TMC1: variants seen among roughly 807,000 people sequenced by gnomAD.
TMC1 encodes transmembrane channel-like protein 1.
A neutral mutation model predicts 105.8 loss-of-function variants in TMC1; 84 were observed. The observed-to-expected ratio is 0.79, with a 90% confidence interval of 0.67 to 0.95. The LOEUF (loss-of-function observed/expected upper bound fraction) is 0.95. Among genes scored for constraint, TMC1 ranks in the 40% least tolerant of loss-of-function variants. The pLI, the probability that TMC1 is intolerant of heterozygous loss-of-function variation, is 0.00. For missense variants in TMC1, 817 were observed against 914.1 expected (o/e 0.89, Z 1.37); for synonymous variants, 315 against 311.5 (o/e 1.01, Z -0.12).
chr9:72,627,591 G>A (rs978291698), intron 3 of TMC1, among the ~76,000 whole-genome samples: 2 of 152,138 alleles, frequency 1.3e-5, no homozygotes, highest in African/African-American at 4.8e-5. Flanking sequence ...GGATGGGCGC[G>A]GGTGGGAGTA....
intron 8 of TMC1, among the ~76,000 whole-genome samples, chr9:72,702,799 T>C (rs1403949001): frequency 6.6e-6 from 1 of 152,148 alleles, no homozygotes; most frequent in Non-Finnish European, 1.5e-5. Flanking sequence ...TTCTAAAACA[T>C]AGCCATAGTT....
chr9:72,725,325 GTATATATATATATATATATA>G lies in TMC1; in HGVS notation c.363-14770_363-14751del, dbSNP rs57562145. Among the ~76,000 whole-genome samples, 482 of 77,686 alleles carry G rather than the reference GTATATATATATATATATATA, an allele frequency of 6.2e-3. 7 individuals carry two copies. The highest frequency in any genetic ancestry group is 0.016 in the African/African-American group (407 of 26,034). 51.0% of individuals were successfully genotyped at this position (77,686 alleles called of 152,430 possible). A position where few individuals can be genotyped will look rare whatever the true frequency, so the allele number is the denominator to read the frequency against. ...CCACACACACATTTTATGTGTGTAT[GTATATATATATATATATATA>G]TATATATATATATATATATATATGT... On this transcript the variant is annotated intron_variant, in intron 8 of 23. Coordinates refer to ENST00000297784, the MANE Select transcript of TMC1 (RefSeq NM_138691.3).
intron 8 of TMC1, among the ~76,000 whole-genome samples, chr9:72,706,418 C>T (rs1301403758): frequency 2.0e-5 from 3 of 152,132 alleles, no homozygotes; most frequent in Non-Finnish European, 4.4e-5. Context: ...TTTTGGGGAA[C>T]AGGTGGTATT....
intron 17 of TMC1, among the ~76,000 whole-genome samples, chr9:72,794,191 G>C (rs577636648): frequency 6.6e-6 from 1 of 152,242 alleles, no homozygotes; most frequent in East Asian, 1.9e-4. Context: ...TCTCAATGGG[G>C]TGGAGCCCCC....
At chr9:72,697,476 C>A (rs958381454) in intron 7 of TMC1, among the ~76,000 whole-genome samples, 4 of 152,094 alleles carry the variant, frequency 2.6e-5, no homozygotes, top group Non-Finnish European at 5.9e-5. Context: ...AAACTGTTCT[C>A]ACAGGGATAG....
intron 13 of TMC1, 79 bp from the exon 14 acceptor site, chr9:72,788,260 A>G (rs1828202625): frequency 2.0e-6 from 3 of 1,503,730 alleles, no homozygotes; most frequent in South Asian, 1.1e-5. Flanking sequence ...CTCCACTTCA[A>G]CACTCATGAT....
In TMC1 at chr9:72,666,096, G is replaced by A. The variant is rs144187061; in HGVS notation, c.16+17432G>A. Among the ~76,000 whole-genome samples, 251 of 152,288 alleles carry A rather than the reference G, an allele frequency of 1.6e-3. 3 individuals are homozygous for A. The highest frequency in any genetic ancestry group is 2.0e-3 in the Non-Finnish European group (134 of 68,028). On this transcript the variant is annotated intron_variant, in intron 5 of 23. Transcript: ENST00000297784. The stretch of plus-strand genomic sequence containing the variant: ...ATTAAAATATCAGAAATTTTGAAAG[G>A]AAAGGTTTATAATAGTTAGATTTAA...
intron 7 of TMC1, among the ~76,000 whole-genome samples, chr9:72,698,775 G>A (rs72733027): frequency 0.042 from 6,437 of 152,214 alleles, 203 homozygotes; most frequent in Middle Eastern, 0.065. Flanking sequence ...TCTGCAGAGG[G>A]GCTGATGCTC....
In TMC1 at chr9:72,826,852, C is replaced by T. The variant is rs1828964294; in HGVS notation, c.2004-17C>T. On this transcript the variant is annotated splice_polypyrimidine_tract_variant and intron_variant, in intron 20 of 23. Coordinates refer to ENST00000297784, the MANE Select transcript of TMC1 (RefSeq NM_138691.3). Reference sequence around the variant, plus strand: ...ATGTTCTTAATAAACTTATCTCCCCCTTTTTAATTCCCCCAGTGGCAAAAA... The same window carrying T: ...ATGTTCTTAATAAACTTATCTCCCCTTTTTTAATTCCCCCAGTGGCAAAAA... 3.1e-6 allele frequency: 5 copies of T among 1,613,644 alleles called. No homozygotes were observed. Among genetic ancestry groups the T allele is most frequent in the South Asian group, 2.2e-5 (2 of 91,058 alleles).
chr9:72,656,140 T>C, intron 5 of TMC1: 1 of 634,798 alleles, frequency 1.6e-6, no homozygotes, highest in Non-Finnish European at 3.0e-6. Flanking sequence ...TCGAATTCGG[T>C]GAATTGCCAT....
intron 18 of TMC1, among the ~76,000 whole-genome samples, chr9:72,814,896 T>TTG (rs57564294): frequency 0.26 from 31,375 of 118,654 alleles, 3,342 homozygotes; most frequent in East Asian, 0.43. Context: ...TGGATCATCT[T>TTG]TGTGTGTGTG....
intron 4 of TMC1, among the ~76,000 whole-genome samples, chr9:72,628,547 C>T (rs900894789): frequency 2.0e-5 from 3 of 152,162 alleles, no homozygotes; most frequent in African/African-American, 7.2e-5. Context: ...CAGTTTAAAT[C>T]GATTTTCAAC....
intron 2 of TMC1, among the ~76,000 whole-genome samples, chr9:72,594,952 G>A (rs1824695438): frequency 6.6e-6 from 1 of 151,000 alleles, no homozygotes; most frequent in African/African-American, 2.4e-5. Context: ...TGCAAGCTCC[G>A]CCTCCCAGGT....
chr9:72,649,179 C>G (rs1188025519), intron 5 of TMC1, among the ~76,000 whole-genome samples: 1 of 152,184 alleles, frequency 6.6e-6, no homozygotes, highest in Non-Finnish European at 1.5e-5. Context: ...AAGGAATGAG[C>G]AACGTGATAA....
chr9:72,764,965 T>A (rs1827808361), intron 12 of TMC1, among the ~76,000 whole-genome samples: 1 of 152,188 alleles, frequency 6.6e-6, no homozygotes, highest in Admixed American at 6.5e-5. Context: ...CCGGGTTAAC[T>A]GGCATTCAGA....
At chr9:72,812,918 CAT>C (rs1828728441) in intron 18 of TMC1, among the ~76,000 whole-genome samples, 1 of 152,186 alleles carries the variant, frequency 6.6e-6, no homozygotes, top group African/African-American at 2.4e-5. Context: ...AAGTGAGCAC[CAT>C]ATGTCTTCCC....
chr9:72,559,374 G>A (rs1393879320), intron 1 of TMC1, among the ~76,000 whole-genome samples: 1 of 152,132 alleles, frequency 6.6e-6, no homozygotes, highest in East Asian at 1.9e-4. Context: ...GATTACAGGC[G>A]TGAGCCACTG....
rs1276645622 is a variant in TMC1 at position 72,643,765 on chromosome 9, T to G, written c.-52-4832T>G. Among the ~76,000 whole-genome samples, 5 of 152,200 alleles carry G rather than the reference T, an allele frequency of 3.3e-5. No homozygotes were observed. The East Asian group carries it at 7.7e-4, about 23-fold the overall frequency. ...ATGTGGAAGTCTGTATAGGGACATATGCTTTCATTTCTCTTGGGTAAATGT... is the reference window on the plus strand; with the variant it reads ...ATGTGGAAGTCTGTATAGGGACATAGGCTTTCATTTCTCTTGGGTAAATGT... On this transcript the variant is annotated intron_variant, in intron 4 of 23. Coordinates refer to ENST00000297784, the MANE Select transcript of TMC1 (RefSeq NM_138691.3).
At chr9:72,699,656 G>T (rs1249182306) in intron 7 of TMC1, among the ~76,000 whole-genome samples, 1 of 152,092 alleles carries the variant, frequency 6.6e-6, no homozygotes, top group Non-Finnish European at 1.5e-5. Context: ...TGAGGCTCTA[G>T]ACATAAAAGA....
Sources: gnomAD v4.1 joint callset for allele counts (sites outside exome capture counted in the v4.1 genomes callset) on GRCh38, gnomAD v4.1.1 for gene constraint, MANE v1.5 for transcripts, NCBI Gene and HGNC (gene_info 2026-07-23, HGNC 2026-07-21) for gene names.